The following AMZ1 variants were observed in gnomAD, a reference collection of about 807,000 sequenced individuals.
AMZ1 encodes archaelysin family metallopeptidase 1.
Under a neutral mutation model 29.9 loss-of-function variants are expected in AMZ1, and 39 were observed. The observed-to-expected ratio is 1.30, with a 90% CI of 1.01 to 1.70. AMZ1 has a LOEUF of 1.70. Among genes scored for constraint, AMZ1 ranks in the 40% most tolerant of loss-of-function variants. AMZ1 has a pLI of 0.00. For synonymous variants in AMZ1, 458 were observed against 304.0 expected (o/e 1.51, Z -5.27); for missense variants, 1,041 against 680.6 (o/e 1.53, Z -5.89).
chr7:2,699,264 T>C (rs2115094862), intron 1 of AMZ1, among the ~76,000 whole-genome samples: 1 of 152,208 alleles, frequency 6.6e-6, no homozygotes, highest in Middle Eastern at 3.4e-3. Flanking sequence ...TGTTCCTAAG[T>C]GTGGGGTTGC....
intron 4 of AMZ1, among the ~76,000 whole-genome samples, chr7:2,741,061 C>G (rs1790475277): frequency 6.6e-6 from 1 of 151,772 alleles, no homozygotes; most frequent in Admixed American, 6.6e-5. Context: ...AACAAACAAA[C>G]AAACAAACAA....
At chr7:2,737,840 G>A (rs1488959314) in intron 4 of AMZ1, among the ~76,000 whole-genome samples, 1 of 152,190 alleles carries the variant, frequency 6.6e-6, no homozygotes, top group Non-Finnish European at 1.5e-5. Context: ...GTTAGCATTT[G>A]ATTTCCACTG....
chr7:2,699,869 A>T (rs1299656085), intron 1 of AMZ1, among the ~76,000 whole-genome samples: 3 of 152,116 alleles, frequency 2.0e-5, no homozygotes, highest in Non-Finnish European at 4.4e-5. Context: ...GAGGGAATGG[A>T]AGAATGGCCT....
At chr7:2,696,347 C>T (rs1261585749) in intron 1 of AMZ1, among the ~76,000 whole-genome samples, 1 of 150,054 alleles carries the variant, frequency 6.7e-6, no homozygotes, top group South Asian at 2.1e-4. Context: ...AGCTCCGCCT[C>T]CCAGGTTCAC....
intron 4 of AMZ1, among the ~76,000 whole-genome samples, chr7:2,754,606 G>C (rs1424924721): frequency 6.6e-6 from 1 of 151,838 alleles, no homozygotes; most frequent in Non-Finnish European, 1.5e-5. Flanking sequence ...AAATTAGCCA[G>C]GTATAGTGTT....
At chr7:2,749,798 G>T (rs1226927256) in intron 4 of AMZ1, among the ~76,000 whole-genome samples, 4 of 152,136 alleles carry the variant, frequency 2.6e-5, no homozygotes, top group Admixed American at 6.5e-5. Flanking sequence ...AGAGACTGGG[G>T]ATGAGAGAGG....
Position 2,716,997 on chromosome 7 carries a change from G to A in AMZ1, c.*4119G>A, listed in dbSNP as rs965244265. The stretch of plus-strand genomic sequence containing the variant: ...TTCTAAAAGCAAGCTGGAGCGGTCT[G>A]AGCAGGAAGAGAGTAAGAAGGCGCA... On this transcript the variant is annotated 3_prime_UTR_variant, in exon 7 of 7. Coordinates refer to ENST00000683327, the MANE Select transcript of AMZ1 (RefSeq NM_001384743.1). Among the ~76,000 whole-genome samples, 7 of 152,212 alleles carry A rather than the reference G, an allele frequency of 4.6e-5. No homozygotes were observed. Among genetic ancestry groups the A allele is most frequent in the Non-Finnish European group, 8.8e-5 (6 of 68,042 alleles).
intron 4 of AMZ1, among the ~76,000 whole-genome samples, chr7:2,744,875 G>A (rs1583225574): frequency 6.6e-6 from 1 of 152,196 alleles, no homozygotes; most frequent in East Asian, 1.9e-4. Flanking sequence ...GAGGAATGCA[G>A]AAGCCTCAGG....
chr7:2,697,538 G>A (rs1053606564), intron 1 of AMZ1, among the ~76,000 whole-genome samples: 14 of 150,734 alleles, frequency 9.3e-5, no homozygotes, highest in South Asian at 2.1e-4. Context: ...ATCCTTCCAC[G>A]TCAGCCTCCT....
intron 2 of AMZ1, among the ~76,000 whole-genome samples, chr7:2,701,814 G>A (rs1788070216): frequency 6.6e-6 from 1 of 152,192 alleles, no homozygotes; most frequent in African/African-American, 2.4e-5. Context: ...CCCCTTTCCT[G>A]CCCCTCAGGA....
chr7:2,687,374 T>A (rs373276274), upstream of AMZ1, among the ~76,000 whole-genome samples: 25 of 151,616 alleles, frequency 1.6e-4, no homozygotes, highest in East Asian at 1.6e-3. Context: ...TGGTGACGAA[T>A]CCCTCAGCCA....
At chr7:2,724,155 G>A (rs981382181), downstream of AMZ1, among the ~76,000 whole-genome samples, 4 of 152,048 alleles carry the variant, frequency 2.6e-5, no homozygotes, top group East Asian at 1.9e-4. Flanking sequence ...TCCTGACCTC[G>A]TGATCCACCC....
At chr7:2,685,615 G>T (rs1007919126), upstream of AMZ1, among the ~76,000 whole-genome samples, 7 of 151,236 alleles carry the variant, frequency 4.6e-5, no homozygotes, top group African/African-American at 1.7e-4. Flanking sequence ...AGCACTTTGG[G>T]AGGCCGTGGC....
At position 2,700,562 on chromosome 7, in the gene AMZ1, C is replaced by T. The variant is rs767859682; in HGVS notation, c.111C>T (p.Ser37=). ...AGCAGCTGTATGTGTCCGCCTTCTC[C>T]CCTGCCGAGCGGCTCTTCCTGGCCG... ...ALQQLYVSAF[S]PAERLFLAEA... The change falls in exon 2 of 7, where the codon TCC becomes TCT. Residue 37 remains serine, a synonymous_variant. Transcript: ENST00000683327. The T allele has an allele frequency of 6.2e-7, 1 of 1,609,918 alleles. No homozygotes were observed.
upstream of AMZ1, among the ~76,000 whole-genome samples, chr7:2,761,899 C>T (rs1791574499): frequency 6.6e-6 from 1 of 152,184 alleles, no homozygotes; most frequent in Non-Finnish European, 1.5e-5. Flanking sequence ...TCCAGTTTTC[C>T]CATCTGTCGT....
In AMZ1 at chr7:2,744,659, G is replaced by C. The variant is rs558725622; in HGVS notation, n.551-20053G>C. On this transcript the variant is annotated intron_variant and non_coding_transcript_variant, in intron 4 of 4. Coordinates refer to the AMZ1 transcript ENST00000489665. The stretch of plus-strand genomic sequence containing the variant: ...AGCTCCTCACCAGCAACGGAACAAA[G>C]CTGGATGGACAATGACTTTGACGAG... Among the ~76,000 whole-genome samples the C allele has an allele frequency of 8.5e-5, 13 of 152,332 alleles. No individual in the cohort carries two copies. In the East Asian group the frequency reaches 2.5e-3, roughly 29 times the overall value.
At chr7:2,747,048 G>T (rs1267695259) in intron 4 of AMZ1, among the ~76,000 whole-genome samples, 1 of 152,134 alleles carries the variant, frequency 6.6e-6, no homozygotes, top group African/African-American at 2.4e-5. Context: ...ACCAAAAAAA[G>T]TCCAGGAGCA....
Position 2,712,648 on chromosome 7 carries a change from G to A in AMZ1, c.1267G>A (p.Ala423Thr), listed in dbSNP as rs1460771821. The A allele has an allele frequency of 1.2e-6, 2 of 1,613,088 alleles. No individual in the cohort carries two copies. The highest frequency in any genetic ancestry group is 2.2e-5 in the South Asian group (2 of 91,068). ...MCIQALQREV[A>T]EEDLVQVDRA... ...CATCCAGGCCCTGCAGCGGGAAGTG[G>A]CAGAGGAGGACCTGGTGCAGGTGGA... Residue 423 changes from alanine (A) to threonine (T), a missense_variant, in exon 7 of 7, where the codon GCA becomes ACA. Transcript: ENST00000683327.
Position 2,731,298 on chromosome 7 carries a change from G to C in AMZ1, n.550+21482G>C. 6.2e-7 allele frequency: 1 copy of C among 1,613,728 alleles called. No individual in the cohort carries two copies. Among genetic ancestry groups the C allele is most frequent in the Non-Finnish European group, 8.5e-7 (1 of 1,179,882 alleles). On this transcript the variant is annotated intron_variant and non_coding_transcript_variant, in intron 4 of 4. Coordinates refer to the AMZ1 transcript ENST00000489665. The surrounding 1 kb of genome is among the most constrained non-coding windows in gnomAD (Gnocchi z 6.0). ...TGGTGAAGTGGTGGAAGAGTGGCTTGCTGCGGTTCCGTCTCTTCCTGTCGA... is the reference window on the plus strand; with the variant it reads ...TGGTGAAGTGGTGGAAGAGTGGCTTCCTGCGGTTCCGTCTCTTCCTGTCGA...
Sources: allele counts gnomAD v4.1 joint callset (sites outside exome capture counted in the v4.1 genomes callset), GRCh38; gene constraint gnomAD v4.1.1; non-coding constraint Gnocchi (gnomAD v3.1); transcripts MANE v1.5; gene names NCBI Gene and HGNC (gene_info 2026-07-23, HGNC 2026-07-21).